The following EML6 variants were observed in gnomAD, a reference collection of about 807,000 sequenced individuals.
EML6 encodes the protein EMAP like 6, also known as echinoderm microtubule-associated protein-like 6.
EML6 carries 154 observed loss-of-function variants against 240.1 expected under a neutral mutation model. The observed-to-expected ratio is 0.64, with a 90% CI of 0.56 to 0.73. The LOEUF is 0.73. EML6 is among the 30% of genes least tolerant of loss of function. The probability of loss-of-function intolerance (pLI) is 0.00; values close to 1 mark genes in which losing one functional copy is unlikely to be tolerated. For synonymous variants in EML6, 1,148 were observed against 899.0 expected, an observed-to-expected ratio of 1.28 and a Z score of -4.95; for missense variants, 2,964 against 2,474.6, an observed-to-expected ratio of 1.20 and a Z score of -4.20.
chr2:54,956,616 G>GAGA (rs981550243), intron 32 of EML6, among the ~76,000 whole-genome samples: 4 of 134,708 alleles, frequency 3.0e-5, no homozygotes, highest in African/African-American at 9.9e-5. Flanking sequence ...TTACAGCTGG[G>GAGA]AGAAGTTCTC....
At chr2:54,930,846 G>C (rs1384262718) in intron 28 of EML6, among the ~76,000 whole-genome samples, 8 of 151,678 alleles carry the variant, frequency 5.3e-5, no homozygotes, top group Non-Finnish European at 2.9e-5. Flanking sequence ...CAACTTAGCA[G>C]TCTCCATGGG....
chr2:54,952,900 G>A (rs781469140), intron 31 of EML6, among the ~76,000 whole-genome samples: 12 of 152,162 alleles, frequency 7.9e-5, no homozygotes, highest in Non-Finnish European at 8.8e-5. Flanking sequence ...AGTCTGACCA[G>A]CGCCTGAGAG....
At chr2:54,891,271 T>C (rs565366860) in intron 18 of EML6, 117 bp downstream of exon 18, 257 of 533,658 alleles carry the variant, frequency 4.8e-4, no homozygotes, top group Non-Finnish European at 7.5e-4. Flanking sequence ...AATAAAAATG[T>C]GCCTAAAAAA....
chr2:54,862,063 C>T (rs527546687), intron 12 of EML6, among the ~76,000 whole-genome samples: 9 of 151,924 alleles, frequency 5.9e-5, no homozygotes, highest in Admixed American at 2.6e-4. Flanking sequence ...TGGCTGAGCA[C>T]GTTGACTCAT....
chr2:54,823,552 A>C (rs1668429098), intron 5 of EML6, among the ~76,000 whole-genome samples: 1 of 152,204 alleles, frequency 6.6e-6, no homozygotes, highest in Non-Finnish European at 1.5e-5. Flanking sequence ...TATTAGTCAA[A>C]GATGTTATCT....
intron 41 of EML6, among the ~76,000 whole-genome samples, chr2:54,969,575 A>T (rs1385741739): frequency 6.6e-6 from 1 of 152,210 alleles, no homozygotes; most frequent in Non-Finnish European, 1.5e-5. Context: ...AATTGTGAAC[A>T]AGCTAGGAGT....
intron 2 of EML6, among the ~76,000 whole-genome samples, chr2:54,761,318 C>T (rs1667971985): frequency 6.6e-6 from 1 of 151,358 alleles, no homozygotes; most frequent in African/African-American, 2.4e-5. Context: ...TTTATTAATG[C>T]TTAACTGAAA....
In EML6 at chr2:54,847,498, G is replaced by A. The variant is rs1364509416; in HGVS notation, c.1062G>A (p.Leu354=). ...SDDRSVRLWS[L]ADHALIARCN... Reference sequence around the variant, plus strand: ...TTCTTGTGCCTAGGCTGTGGAGCCTGGCTGATCATGCCTTGATCGCCCGCT... The same window carrying A: ...TTCTTGTGCCTAGGCTGTGGAGCCTAGCTGATCATGCCTTGATCGCCCGCT... The change falls in exon 9 of 42, where the codon CTG becomes CTA. Residue 354 remains leucine (L), a synonymous_variant. Transcript: ENST00000356458. 1 of 1,551,458 alleles carries A rather than the reference G, an allele frequency of 6.4e-7. No homozygotes were observed. The highest frequency in any genetic ancestry group is 8.7e-7 in the Non-Finnish European group (1 of 1,147,044).
intron 2 of EML6, among the ~76,000 whole-genome samples, chr2:54,802,618 ATAC>A (rs56119525): frequency 0.035 from 4,939 of 139,898 alleles, 141 homozygotes; most frequent in South Asian, 0.071. Context: ...ACCCTGTCTC[ATAC>A]TACTACTACT....
At chr2:54,744,960 A>C (rs1000620401) in intron 2 of EML6, among the ~76,000 whole-genome samples, 96 of 88,282 alleles carry the variant, frequency 1.1e-3, no homozygotes, top group Non-Finnish European at 1.1e-3. Flanking sequence ...ACACACACAC[A>C]CACCCTGCCA....
chr2:54,793,378 G>A (rs527836952), intron 2 of EML6, among the ~76,000 whole-genome samples: 4 of 130,570 alleles, frequency 3.1e-5, no homozygotes, highest in African/African-American at 2.9e-5. Context: ...AAATATGTAT[G>A]AGTAGGCTTT....
chr2:54,958,036 G>T, intron 33 of EML6, 38 bp downstream of exon 33: 1 of 1,514,476 alleles, frequency 6.6e-7, no homozygotes, highest in Non-Finnish European at 8.9e-7. Context: ...AGGGGACCCA[G>T]ACCCCCTGGG....
chr2:54,963,055 T>C (rs1217331817), intron 36 of EML6, among the ~76,000 whole-genome samples: 2 of 141,938 alleles, frequency 1.4e-5, no homozygotes, highest in African/African-American at 5.3e-5. Context: ...AGGTTTCTCT[T>C]AGAGCTTGGG....
At chr2:54,870,358 A>G (rs1282563145) in intron 15 of EML6, among the ~76,000 whole-genome samples, 2 of 149,916 alleles carry the variant, frequency 1.3e-5, no homozygotes, top group African/African-American at 4.8e-5. Flanking sequence ...TCCAAAGGGT[A>G]AGGGCTGACC....
intron 17 of EML6, among the ~76,000 whole-genome samples, chr2:54,890,229 C>T (rs1308397750): frequency 6.6e-6 from 1 of 152,042 alleles, no homozygotes; most frequent in East Asian, 1.9e-4. Flanking sequence ...GTGTTTGGTC[C>T]TAATGTATTG....
intron 11 of EML6, among the ~76,000 whole-genome samples, chr2:54,856,215 G>A (rs571148110): frequency 6.5e-4 from 99 of 152,292 alleles, no homozygotes; most frequent in African/African-American, 2.4e-3. Context: ...AATACTGACA[G>A]CTTTCCCTGA....
Position 54,970,230 on chromosome 2 carries a change from G to C in EML6, c.*135G>C. The C allele has an allele frequency of 1.2e-6, 1 of 838,824 alleles. No individual in the cohort carries two copies. The highest frequency in any genetic ancestry group is 2.0e-6 in the Non-Finnish European group (1 of 509,920). The allele number at this position is 838,824 out of a possible 1,614,324, so 52.0% of individuals were successfully genotyped here. Reference sequence around the variant, plus strand: ...TGCCCCGGATGCACAAGCTCAAAACGCTGCAGAAGTTACACAACTGCTCCC... The same window carrying C: ...TGCCCCGGATGCACAAGCTCAAAACCCTGCAGAAGTTACACAACTGCTCCC... On this transcript the variant is annotated 3_prime_UTR_variant, in exon 42 of 42. Coordinates refer to ENST00000356458, the MANE Select transcript of EML6 (RefSeq NM_001039753.4).
intron 28 of EML6, among the ~76,000 whole-genome samples, chr2:54,947,876 G>C (rs1024361912): frequency 2.6e-5 from 4 of 152,192 alleles, no homozygotes; most frequent in African/African-American, 7.2e-5. Context: ...TGGCATGCTG[G>C]GGAAGCATGG....
intron 28 of EML6, among the ~76,000 whole-genome samples, chr2:54,943,469 T>C (rs922480852): frequency 1.3e-5 from 2 of 152,186 alleles, no homozygotes; most frequent in Admixed American, 6.5e-5. Context: ...ATTAATCTTA[T>C]AAACTTACAC....
Sources: gnomAD v4.1 joint callset for allele counts (sites outside exome capture counted in the v4.1 genomes callset) on GRCh38, gnomAD v4.1.1 for gene constraint, MANE v1.5 for transcripts, NCBI Gene and HGNC (gene_info 2026-07-23, HGNC 2026-07-21) for gene names.